The following ABL1 variants were observed in gnomAD, a reference collection of about 807,000 sequenced individuals.
ABL1 encodes ABL proto-oncogene 1, non-receptor tyrosine kinase.
In ABL1, 11 loss-of-function variants were observed where a neutral mutation model predicts 94.7. The ratio of observed to expected loss-of-function variants is 0.12; its 90% confidence interval spans 0.07 to 0.19. The LOEUF is 0.19. Among genes scored for constraint, ABL1 ranks in the 10% least tolerant of loss-of-function variants. The pLI is 1.00. For synonymous variants in ABL1, 656 were observed against 622.4 expected (o/e 1.05, Z -0.80); for missense variants, 1,082 against 1,489.4 (o/e 0.73, Z 4.50).
At chr9:130,748,048 G>A (rs924263018) in intron 1 of ABL1, among the ~76,000 whole-genome samples, 1 of 152,126 alleles carries the variant, frequency 6.6e-6, no homozygotes, top group Non-Finnish European at 1.5e-5. Context: ...TGGTATCCTC[G>A]GCTGAACTGG....
intron 10 of ABL1, 29 bp from the exon 11 acceptor site, chr9:130,883,939 GA>G: frequency 5.1e-6 from 8 of 1,582,240 alleles, no homozygotes; most frequent in Non-Finnish European, 6.9e-6. Context: ...GAGTTGTCTG[GA>G]GTTGTCAGCT....
At chr9:130,852,002 C>T (rs1830874912) in intron 1 of ABL1, among the ~76,000 whole-genome samples, 1 of 152,038 alleles carries the variant, frequency 6.6e-6, no homozygotes, top group Non-Finnish European at 1.5e-5. Flanking sequence ...TGGTCTCGAA[C>T]TCCTGACCTC....
At position 130,884,987 on chromosome 9, in the gene ABL1, G is replaced by T. The variant is rs367911374; in HGVS notation, c.2697G>T (p.Pro899=). Residue 899 remains proline (P), a synonymous_variant, in exon 11 of 11, where the codon CCG becomes CCT. Transcript: ENST00000318560. The surrounding 1 kb of genome is among the most constrained non-coding windows in gnomAD (Gnocchi z 5.6). ...KGKLSRLKPA[P]PPPPAASAGK... is the part of the protein sequence containing the mutation. ...AATTGTCCAGGCTCAAACCTGCCCC[G>T]CCGCCCCCACCAGCAGCCTCTGCAG... 1.2e-6 allele frequency: 2 copies of T among 1,610,854 alleles called. No individual in the cohort carries two copies. The highest frequency in any genetic ancestry group is 1.1e-5 in the South Asian group (1 of 90,940).
In ABL1 at chr9:130,721,918, T is replaced by C. The variant is rs533137346; in HGVS notation, c.136+7463T>C. 1.3e-3 allele frequency among the ~76,000 whole-genome samples: 193 copies of C among 148,312 alleles called. 1 individual carries two copies. Among genetic ancestry groups the C allele is most frequent in the African/African-American group, 4.6e-3 (184 of 40,302 alleles). ...CTCATTGCAACCTCCACCTCCCGAG[T>C]TCAAGCGATTCTCTTTCCTGCCTCA... On this transcript the variant is annotated intron_variant, in intron 1 of 10. Coordinates refer to the ABL1 transcript ENST00000372348.
At chr9:130,867,549 T>C (rs138361102) in intron 4 of ABL1, among the ~76,000 whole-genome samples, 1,960 of 152,278 alleles carry the variant, frequency 0.013, 48 homozygotes, top group African/African-American at 0.045. Context: ...TTCCAAGGAG[T>C]TTGTGTCATC....
At chr9:130,723,255 A>G (rs988044737) in intron 1 of ABL1, among the ~76,000 whole-genome samples, 3 of 152,034 alleles carry the variant, frequency 2.0e-5, no homozygotes, top group African/African-American at 7.2e-5. Context: ...TTCAGATCCT[A>G]CCTGCTGGCC....
At chr9:130,719,872 C>A (rs1450533153) in intron 1 of ABL1, among the ~76,000 whole-genome samples, 1 of 152,092 alleles carries the variant, frequency 6.6e-6, no homozygotes, top group African/African-American at 2.4e-5. Context: ...AAAGAGTGGG[C>A]AGATGGCAAC....
Position 130,835,435 on chromosome 9 carries a change from T to C in ABL1, c.-12T>C. ...AGAGGGGTTCCGGCCCCCGACGTGC[T>C]GGCGCGGGAAAATGTTGGAGATCTG... On this transcript the variant is annotated 5_prime_UTR_variant, in exon 1 of 11. Coordinates refer to ENST00000318560, the MANE Select transcript of ABL1 (RefSeq NM_005157.6). This position sits in a 1 kb window ranked among gnomAD's most constrained non-coding sequence, Gnocchi z 4.6. 1 of 1,532,340 alleles carries C rather than the reference T, an allele frequency of 6.5e-7. No individual in the cohort carries two copies. The highest frequency in any genetic ancestry group is 8.8e-7 in the Non-Finnish European group (1 of 1,135,188). The allele number at this position is 1,532,340 out of a possible 1,614,324, so 94.9% of individuals were successfully genotyped here. A position where few individuals can be genotyped will look rare whatever the true frequency, so the allele number is the denominator to read the frequency against.
intron 1 of ABL1, among the ~76,000 whole-genome samples, chr9:130,770,430 C>A (rs760998923): frequency 6.6e-6 from 1 of 152,090 alleles, no homozygotes; most frequent in Non-Finnish European, 1.5e-5. Context: ...TCACCTGAGC[C>A]CAGGAGTTTG....
rs775748939 is a variant in ABL1 at position 130,854,956 on chromosome 9, G to A, written c.409G>A (p.Ala137Thr). ...CCATGGGCCTGTGTCCCGCAATGCC[G>A]CTGAGTATCTGCTGAGCAGCGGGAT... Reference protein sequence around the residue: ...WYHGPVSRNAAEYLLSSGING... With the variant: ...WYHGPVSRNATEYLLSSGING... The change falls in exon 3 of 11, where the codon GCT (alanine) becomes ACT (threonine). Residue 137 changes from alanine (A) to threonine (T), a missense_variant. Coordinates refer to ENST00000318560, the MANE Select transcript of ABL1 (RefSeq NM_005157.6). 5.0e-6 allele frequency: 8 copies of A among 1,614,210 alleles called. No individual in the cohort carries two copies. Among genetic ancestry groups the A allele is most frequent in the Non-Finnish European group, 6.8e-6 (8 of 1,180,042 alleles).
rs34763152 is a variant in ABL1 at position 130,874,541 on chromosome 9, C to A, written c.1086-327C>A. ...AAGCACTTAGCATATTAATTAATTA[C>A]ACTCACAGCAACCCTAAGAGGTAGG... On this transcript the variant is annotated intron_variant, in intron 6 of 10. Transcript: ENST00000318560. Among the ~76,000 whole-genome samples the A allele has an allele frequency of 7.8e-3, 1,190 of 152,304 alleles. 15 individuals are homozygous for A. Among genetic ancestry groups the A allele is most frequent in the African/African-American group, 0.028 (1,145 of 41,560 alleles).
intron 1 of ABL1, among the ~76,000 whole-genome samples, chr9:130,765,195 TG>T (rs1832166535): frequency 6.6e-6 from 1 of 152,188 alleles, no homozygotes; most frequent in Non-Finnish European, 1.5e-5. Flanking sequence ...TATTGGTTTT[TG>T]GGTTTGCTAT....
intron 1 of ABL1, among the ~76,000 whole-genome samples, chr9:130,792,267 C>G (rs1829918914): frequency 6.6e-6 from 1 of 152,170 alleles, no homozygotes; most frequent in South Asian, 2.1e-4. Context: ...GCTAATGTGT[C>G]ATTTTTCCTT....
intron 1 of ABL1, among the ~76,000 whole-genome samples, chr9:130,837,130 G>A (rs1037965239): frequency 4.6e-5 from 7 of 152,202 alleles, no homozygotes; most frequent in Non-Finnish European, 7.3e-5. Context: ...CCCAGAGAAG[G>A]CTCATCTAGG....
chr9:130,758,539 T>A (rs1832070851), intron 1 of ABL1, among the ~76,000 whole-genome samples: 1 of 152,078 alleles, frequency 6.6e-6, no homozygotes, highest in Non-Finnish European at 1.5e-5. Context: ...TTCAAGCAAT[T>A]CTCCTGCCTC....
intron 1 of ABL1, among the ~76,000 whole-genome samples, chr9:130,743,321 T>C (rs1485897580): frequency 6.6e-6 from 1 of 152,096 alleles, no homozygotes; most frequent in Non-Finnish European, 1.5e-5. Flanking sequence ...GATCCACCCG[T>C]CTTGGCCTCC....
At chr9:130,743,819 C>G (rs1023276061) in intron 1 of ABL1, among the ~76,000 whole-genome samples, 35 of 152,076 alleles carry the variant, frequency 2.3e-4, no homozygotes, top group African/African-American at 7.7e-4. Flanking sequence ...TCATCTAGTA[C>G]TTGTGGGGTC....
In ABL1 at chr9:130,884,281, A is replaced by G. The variant is rs145076561; in HGVS notation, c.1991A>G (p.Asn664Ser). 6.4e-5 allele frequency: 102 copies of G among 1,600,844 alleles called. No homozygotes were observed. The African/African-American group carries it at 1.2e-3, about 19-fold the overall frequency. Reference sequence around the variant, plus strand: ...CCAGCCAAGTCCCCAAAGCCCAGCAATGGGGCTGGGGTCCCCAATGGAGCC... The same window carrying G: ...CCAGCCAAGTCCCCAAAGCCCAGCAGTGGGGCTGGGGTCCCCAATGGAGCC... ...ADPAKSPKPSNGAGVPNGALR... is the reference protein window; with the variant it reads ...ADPAKSPKPSSGAGVPNGALR... Residue 664 changes from asparagine (N) to serine (S), a missense_variant, in exon 11 of 11, where the codon AAT becomes AGT. This residue lies in a region of ABL1 where 780 missense variants were observed against 835.8 expected (regional missense o/e 0.93). Transcript: ENST00000318560. This position sits in a 1 kb window ranked among gnomAD's most constrained non-coding sequence, Gnocchi z 5.6.
intron 1 of ABL1, among the ~76,000 whole-genome samples, chr9:130,799,270 G>C (rs1489549780): frequency 6.6e-6 from 1 of 152,202 alleles, no homozygotes; most frequent in East Asian, 1.9e-4. Flanking sequence ...GGTGAGCTTT[G>C]CTTTTGTAAA....
Sources: allele counts gnomAD v4.1 joint callset (sites outside exome capture counted in the v4.1 genomes callset), GRCh38; gene constraint gnomAD v4.1.1; regional missense constraint gnomAD v4.1.1; non-coding constraint Gnocchi (gnomAD v3.1); transcripts MANE v1.5; gene names NCBI Gene and HGNC (gene_info 2026-07-23, HGNC 2026-07-21).